GRM1: variants seen among roughly 807,000 people sequenced by gnomAD.
GRM1 encodes glutamate metabotropic receptor 1, also known as metabotropic glutamate receptor 1.
A neutral mutation model predicts 90.9 loss-of-function variants in GRM1; 33 were observed. The observed-to-expected ratio is 0.36, with a 90% confidence interval of 0.28 to 0.49. GRM1 has a LOEUF of 0.49. Among genes scored for constraint, GRM1 ranks in the 20% least tolerant of loss-of-function variants. The pLI, the probability that GRM1 is intolerant of heterozygous loss-of-function variation, is 0.99. For synonymous variants in GRM1, 700 were observed against 613.2 expected (o/e 1.14, Z -2.09); for missense variants, 1,190 against 1,534.3 (o/e 0.78, Z 3.75).
chr6:146,408,093 G>T lies in GRM1; in HGVS notation c.2660+8394G>T, dbSNP rs116432014. Among the ~76,000 whole-genome samples, 1,076 of 152,160 alleles carry T rather than the reference G, an allele frequency of 7.1e-3. 13 individuals are homozygous for T. Among genetic ancestry groups the T allele is most frequent in the African/African-American group, 0.025 (1,029 of 41,508 alleles). On this transcript the variant is annotated intron_variant, in intron 7 of 7. Transcript: ENST00000282753. ...TGCTAGCAGGTGAGGTCCTAGTGAGGGTCCTCTTCTGGTTTGAAGATGGCC... is the reference window on the plus strand; with the variant it reads ...TGCTAGCAGGTGAGGTCCTAGTGAGTGTCCTCTTCTGGTTTGAAGATGGCC...
intron 3 of GRM1, among the ~76,000 whole-genome samples, chr6:146,314,943 G>A (rs1004266948): frequency 3.0e-4 from 45 of 152,170 alleles, no homozygotes; most frequent in African/African-American, 6.5e-4. Context: ...CTGCGTTTCC[G>A]AAAAACTAGC....
intron 2 of GRM1, among the ~76,000 whole-genome samples, chr6:146,216,379 T>A (rs896381441): frequency 6.6e-6 from 1 of 152,186 alleles, no homozygotes; most frequent in Non-Finnish European, 1.5e-5. Flanking sequence ...CTGAAATAGA[T>A]AATTAGTGGT....
intron 2 of GRM1, among the ~76,000 whole-genome samples, chr6:146,208,601 A>C (rs1216921049): frequency 6.6e-6 from 1 of 152,072 alleles, no homozygotes; most frequent in African/African-American, 2.4e-5. Context: ...CGGGGTCTTG[A>C]TCATTTATTG....
intron 1 of GRM1, among the ~76,000 whole-genome samples, chr6:146,063,361 T>C (rs1775737455): frequency 6.6e-6 from 1 of 152,222 alleles, no homozygotes; most frequent in African/African-American, 2.4e-5. Flanking sequence ...TTTGTAGAAA[T>C]GTTGATTAGA....
At position 146,029,285 on chromosome 6, in the gene GRM1, A is replaced by G. The variant is rs1790619485; in HGVS notation, c.-233A>G. 1 of 579,494 alleles carries G rather than the reference A, an allele frequency of 1.7e-6. No individual in the cohort carries two copies. Among genetic ancestry groups the G allele is most frequent in the African/African-American group, 1.9e-5 (1 of 53,372 alleles). The allele number at this position is 579,494 out of a possible 1,614,324, so 35.9% of individuals were successfully genotyped here. A position where few individuals can be genotyped will look rare whatever the true frequency, so the allele number is the denominator to read the frequency against. On this transcript the variant is annotated 5_prime_UTR_variant, in exon 1 of 8. Transcript: ENST00000282753. ...CTACCGGTGAAGAACGGGGACTCGAATTCCCTTACAAACGCCTCCAGCTTG... is the reference window on the plus strand; with the variant it reads ...CTACCGGTGAAGAACGGGGACTCGAGTTCCCTTACAAACGCCTCCAGCTTG...
At chr6:146,097,197 A>G (rs1391684348) in intron 1 of GRM1, among the ~76,000 whole-genome samples, 1 of 152,142 alleles carries the variant, frequency 6.6e-6, no homozygotes, top group African/African-American at 2.4e-5. Context: ...GGGGTTTCCA[A>G]AGTAAATTAT....
chr6:146,309,706 T>TAA (rs1005230630), intron 3 of GRM1, among the ~76,000 whole-genome samples: 35 of 147,876 alleles, frequency 2.4e-4, no homozygotes, highest in African/African-American at 5.4e-4. Flanking sequence ...CCTTCTTACA[T>TAA]AAAAAAAAAA....
intron 1 of GRM1, among the ~76,000 whole-genome samples, chr6:146,087,341 A>G (rs987799845): frequency 6.6e-6 from 1 of 152,154 alleles, no homozygotes; most frequent in East Asian, 1.9e-4. Flanking sequence ...GATAAATACT[A>G]TCTTACATAA....
intron 3 of GRM1, among the ~76,000 whole-genome samples, chr6:146,349,693 A>G (rs1785325081): frequency 6.6e-6 from 1 of 152,146 alleles, no homozygotes; most frequent in African/African-American, 2.4e-5. Context: ...GTATTCTTGT[A>G]TGTTTTGTCT....
chr6:146,401,355 C>G (rs1296493775), intron 7 of GRM1, among the ~76,000 whole-genome samples: 3 of 151,996 alleles, frequency 2.0e-5, no homozygotes, highest in Non-Finnish European at 4.4e-5. Flanking sequence ...TAGCCAAACT[C>G]CCCTCAGGAG....
At position 146,352,119 on chromosome 6, in the gene GRM1, G is replaced by C. The variant is rs1785431773; in HGVS notation, c.1187-131G>C. 7.2e-6 allele frequency: 6 copies of C among 829,976 alleles called. No individual in the cohort carries two copies. In the South Asian group the frequency reaches 8.3e-5, roughly 12 times the overall value. 51.4% of individuals were successfully genotyped at this position (829,976 alleles called of 1,614,324 possible). A position where few individuals can be genotyped will look rare whatever the true frequency, so the allele number is the denominator to read the frequency against. On this transcript the variant is annotated intron_variant, in intron 3 of 7. Transcript: ENST00000282753. ...CCACAAGTACAAAGCTTGCACAGGT[G>C]GGCGTGGCTTCTGCCAGTGTCATTG...
chr6:146,291,558 C>A lies in GRM1; in HGVS notation c.951-13053C>A, dbSNP rs191026168. On this transcript the variant is annotated intron_variant, in intron 2 of 7. Transcript: ENST00000282753. ...CCTTGTCTTCTCTTTCATTTGCTAC[C>A]ACAAATACTTCTTAAACGTAACCAT... Among the ~76,000 whole-genome samples the A allele has an allele frequency of 2.1e-3, 321 of 151,644 alleles. 2 individuals are homozygous for A. Among genetic ancestry groups the A allele is most frequent in the South Asian group, 0.013 (64 of 4,806 alleles).
intron 5 of GRM1, among the ~76,000 whole-genome samples, chr6:146,370,079 C>T (rs1216062694): frequency 6.6e-6 from 1 of 152,010 alleles, no homozygotes; most frequent in Non-Finnish European, 1.5e-5. Flanking sequence ...ATAAAATAGC[C>T]TGCTTTGTCT....
chr6:146,090,585 C>G (rs143550587), intron 1 of GRM1, among the ~76,000 whole-genome samples: 1 of 152,188 alleles, frequency 6.6e-6, no homozygotes, highest in African/African-American at 2.4e-5. Context: ...AATGTAATCC[C>G]TGCCCCATTG....
At chr6:146,268,534 A>C (rs1157831009) in intron 2 of GRM1, among the ~76,000 whole-genome samples, 1 of 152,188 alleles carries the variant, frequency 6.6e-6, no homozygotes, top group Non-Finnish European at 1.5e-5. Context: ...CATGCTTGAT[A>C]GTATTAGGCA....
At chr6:146,371,398 A>G (rs561653807) in intron 5 of GRM1, among the ~76,000 whole-genome samples, 3 of 152,218 alleles carry the variant, frequency 2.0e-5, no homozygotes, top group African/African-American at 7.2e-5. Context: ...ACACAGGCAT[A>G]CAATGTACAA....
intron 5 of GRM1, among the ~76,000 whole-genome samples, chr6:146,367,656 A>G (rs1487847288): frequency 2.0e-5 from 3 of 151,974 alleles, no homozygotes; most frequent in Non-Finnish European, 2.9e-5. Flanking sequence ...ATAAATGAGA[A>G]CCTGCAGTGT....
intron 2 of GRM1, among the ~76,000 whole-genome samples, chr6:146,211,847 C>T (rs1291964605): frequency 6.6e-6 from 1 of 152,086 alleles, no homozygotes; most frequent in Non-Finnish European, 1.5e-5. Flanking sequence ...ACTGGGCTAA[C>T]CCAGAGAACA....
chr6:146,131,077 A>C (rs140047593), intron 1 of GRM1, among the ~76,000 whole-genome samples: 146 of 152,288 alleles, frequency 9.6e-4, no homozygotes, highest in African/African-American at 3.3e-3. Context: ...ATAACTATTA[A>C]AATATTACAT....
Sources: gnomAD v4.1 joint callset for allele counts (sites outside exome capture counted in the v4.1 genomes callset) on GRCh38, gnomAD v4.1.1 for gene constraint, MANE v1.5 for transcripts, NCBI Gene and HGNC (gene_info 2026-07-23, HGNC 2026-07-21) for gene names.